Variants in NCOA2 observed in about 807,000 individuals in gnomAD.
The protein encoded by NCOA2 is nuclear receptor coactivator 2.
Under a neutral mutation model 145.1 loss-of-function variants are expected in NCOA2, and 21 were observed. That is an observed-to-expected ratio of 0.14 (90% CI 0.10 to 0.21). The LOEUF (loss-of-function observed/expected upper bound fraction) is 0.21, where lower values mean the gene tolerates loss of function less well. NCOA2 is among the 10% of genes least tolerant of loss of function. The probability of loss-of-function intolerance (pLI) is 1.00; values close to 1 mark genes in which losing one functional copy is unlikely to be tolerated. For synonymous variants in NCOA2, 619 were observed against 637.5 expected (o/e 0.97, Z 0.44); for missense variants, 1,472 against 1,837.6 (o/e 0.80, Z 3.64).
the NCOA2 span, among the ~76,000 whole-genome samples, chr8:70,440,564 T>C: frequency 7.3e-6 from 1 of 136,916 alleles, no homozygotes; most frequent in African/African-American, 2.8e-5. Context: ...CAGAGTGAGA[T>C]AAGGGAGAGA....
At chr8:70,249,977 A>AAAAAAAAAGAAG (rs751876043) in intron 2 of NCOA2, among the ~76,000 whole-genome samples, 21 of 137,960 alleles carry the variant, frequency 1.5e-4, no homozygotes, top group African/African-American at 3.0e-4. Context: ...AAAAAAAAAA[A>AAAAAAAAAGAAG]AAGAAGAAGA....
intron 1 of NCOA2, among the ~76,000 whole-genome samples, chr8:70,318,247 A>C (rs1363014698): frequency 3.3e-5 from 5 of 152,228 alleles, no homozygotes; most frequent in Non-Finnish European, 5.9e-5. Context: ...GCTAAACTGA[A>C]AAGCCACCTA....
rs1488119388 is a variant in NCOA2, at chr8:70,156,482, C to T, written c.1883G>A (p.Gly628Glu). The T allele has an allele frequency of 1.9e-6, 3 of 1,613,890 alleles. No homozygotes were observed. In the Admixed American group the frequency reaches 5.0e-5, roughly 27 times the overall value. ...PPAVSSERAD[G>E]QSRLHDSKGQ... ...TTTGCTGTCATGCAGTCTGCTCTGCCCGTCAGCTCTCTCACTGCTCACGGC... is the reference window on the plus strand; with the variant it reads ...TTTGCTGTCATGCAGTCTGCTCTGCTCGTCAGCTCTCTCACTGCTCACGGC... The change falls in exon 11 of 23, where the codon GGG (glycine) becomes GAG (glutamate). Residue 628 changes from glycine to glutamate, a missense_variant. Physicochemically the swap from Gly to Glu is moderately conservative, Grantham distance 98. This residue lies in a region of NCOA2 where 953 missense variants were observed against 1,062.1 expected (regional missense o/e 0.90). Coordinates refer to ENST00000452400, the MANE Select transcript of NCOA2 (RefSeq NM_006540.4).
chr8:70,179,498 G>A (rs2132919380), intron 4 of NCOA2, among the ~76,000 whole-genome samples: 1 of 152,172 alleles, frequency 6.6e-6, no homozygotes, highest in Admixed American at 6.5e-5. Context: ...GACATATACT[G>A]GTATCTTGAC....
At chr8:70,370,001 T>G (rs1811067659) in intron 1 of NCOA2, among the ~76,000 whole-genome samples, 1 of 152,084 alleles carries the variant, frequency 6.6e-6, no homozygotes, top group South Asian at 2.1e-4. Context: ...TCCTCCAACC[T>G]TAGCCTCCAG....
chr8:70,229,567 T>G (rs1256752457), intron 2 of NCOA2, among the ~76,000 whole-genome samples: 35 of 152,148 alleles, frequency 2.3e-4, no homozygotes. Flanking sequence ...GGAGCCTGCA[T>G]GCTGGGATGA....
At chr8:70,124,149 G>C in intron 20 of NCOA2, 67 bp from the exon 21 acceptor site, 1 of 1,472,372 alleles carries the variant, frequency 6.8e-7, no homozygotes. Context: ...GGCAGCTCAG[G>C]GCACTTGTTT....
intron 1 of NCOA2, among the ~76,000 whole-genome samples, chr8:70,400,293 G>C (rs567213110): frequency 6.6e-6 from 1 of 152,254 alleles, no homozygotes; most frequent in Non-Finnish European, 1.5e-5. Flanking sequence ...GAAATTCCCA[G>C]GAGGAAGGAA....
intron 2 of NCOA2, among the ~76,000 whole-genome samples, chr8:70,289,253 A>T (rs1299207040): frequency 2.6e-5 from 4 of 152,216 alleles, no homozygotes; most frequent in African/African-American, 9.6e-5. Flanking sequence ...AATGACAAAG[A>T]ATTGAAAAGT....
chr8:70,340,672 T>G (rs945256830), intron 1 of NCOA2, among the ~76,000 whole-genome samples: 3 of 152,058 alleles, frequency 2.0e-5, no homozygotes, highest in Non-Finnish European at 4.4e-5. Context: ...CTATTCACAA[T>G]AGCAAAGACA....
chr8:70,257,424 C>A (rs190319030), intron 2 of NCOA2, among the ~76,000 whole-genome samples: 2 of 152,284 alleles, frequency 1.3e-5, no homozygotes, highest in East Asian at 3.9e-4. Context: ...AGATAAGTAT[C>A]TTTGCCCTCC....
At chr8:70,154,772 T>G (rs1254590413) in intron 11 of NCOA2, among the ~76,000 whole-genome samples, 1 of 152,218 alleles carries the variant, frequency 6.6e-6, no homozygotes, top group Non-Finnish European at 1.5e-5. Flanking sequence ...CCTTAGAGGA[T>G]TATCAAGAAT....
At chr8:70,317,495 T>G (rs537744248) in intron 1 of NCOA2, among the ~76,000 whole-genome samples, 7 of 152,272 alleles carry the variant, frequency 4.6e-5, no homozygotes, top group Non-Finnish European at 7.4e-5. Context: ...AGATCCAATA[T>G]TCAACATAAA....
intron 1 of NCOA2, among the ~76,000 whole-genome samples, chr8:70,330,983 T>C (rs1807045280): frequency 6.6e-6 from 1 of 152,168 alleles, no homozygotes; most frequent in Non-Finnish European, 1.5e-5. Flanking sequence ...AATTAGCTAA[T>C]TCATTTTAAA....
intron 1 of NCOA2, among the ~76,000 whole-genome samples, chr8:70,350,028 AAGGAATAAATATTT>A (rs963096319): frequency 1.3e-5 from 2 of 152,050 alleles, no homozygotes; most frequent in African/African-American, 4.8e-5. Flanking sequence ...TAAAAGCCCC[AAGGAATAAATATTT>A]ATTAGTATAC....
chr8:70,314,513 C>T (rs1805419060), intron 1 of NCOA2, among the ~76,000 whole-genome samples: 1 of 151,978 alleles, frequency 6.6e-6, no homozygotes, highest in Non-Finnish European at 1.5e-5. Context: ...TGTAATAAGC[C>T]TGTATGATGG....
At chr8:70,314,196 A>AAAAAATAAAAAATAAAAAAAAAAAAAAT in intron 1 of NCOA2, among the ~76,000 whole-genome samples, 1 of 146,688 alleles carries the variant, frequency 6.8e-6, no homozygotes, top group Non-Finnish European at 1.5e-5. Context: ...AAAAAAAAAA[A>AAAAAATAAAAAATAAAAAAAAAAAAAAT]AAAAAAAAAA....
intron 11 of NCOA2, among the ~76,000 whole-genome samples, chr8:70,155,407 T>C (rs116353823): frequency 0.012 from 1,804 of 152,334 alleles, 50 homozygotes; most frequent in African/African-American, 0.041. Context: ...ATTACGTCTG[T>C]TCTGACAAAG....
chr8:70,351,233 C>G (rs901671683), intron 1 of NCOA2, among the ~76,000 whole-genome samples: 3 of 152,044 alleles, frequency 2.0e-5, no homozygotes, highest in African/African-American at 7.2e-5. Context: ...AAACATATAC[C>G]GACAACCTAC....
Sources: allele counts gnomAD v4.1 joint callset (sites outside exome capture counted in the v4.1 genomes callset), GRCh38; gene constraint gnomAD v4.1.1; regional missense constraint gnomAD v4.1.1; transcripts MANE v1.5; gene names NCBI Gene and HGNC (gene_info 2026-07-23, HGNC 2026-07-21).